The following LYPLAL1 variants were observed in gnomAD, a reference collection of about 807,000 sequenced individuals.
LYPLAL1 encodes the protein lysophospholipase like 1, also known as lysophospholipase-like protein 1.
A neutral mutation model predicts 19.7 loss-of-function variants in LYPLAL1; 23 were observed. The observed-to-expected ratio is 1.17, with a 90% CI of 0.84 to 1.65. LYPLAL1 has a LOEUF of 1.65. Among genes scored for constraint, LYPLAL1 ranks in the 40% most tolerant of loss-of-function variants. The pLI is 0.00. For synonymous variants in LYPLAL1, 119 were observed against 96.3 expected (o/e 1.24, Z -1.38); for missense variants, 355 against 279.4 (o/e 1.27, Z -1.93).
At chr1:219,369,174 C>A in the LYPLAL1 span, among the ~76,000 whole-genome samples, 17 of 152,210 alleles carry the variant, frequency 1.1e-4, no homozygotes, top group Non-Finnish European at 2.2e-4. Flanking sequence ...CTACTTCAGA[C>A]TTATAAATTG....
chr1:219,255,273 A>T, the LYPLAL1 span, among the ~76,000 whole-genome samples: 1 of 151,796 alleles, frequency 6.6e-6, no homozygotes, highest in East Asian at 1.9e-4. Flanking sequence ...AATTTCTCTC[A>T]ATAATGTTTT....
the LYPLAL1 span, among the ~76,000 whole-genome samples, chr1:219,341,165 A>G: frequency 1.3e-5 from 2 of 152,162 alleles, no homozygotes; most frequent in African/African-American, 2.4e-5. Flanking sequence ...TATGCAAGAC[A>G]CAGCCTGTTT....
chr1:219,238,374 A>G, the LYPLAL1 span, among the ~76,000 whole-genome samples: 3 of 126,050 alleles, frequency 2.4e-5, no homozygotes, highest in Admixed American at 2.8e-4. Context: ...AATGGTCTCT[A>G]TCTCCTGACC....
At chr1:219,356,203 A>G in the LYPLAL1 span, among the ~76,000 whole-genome samples, 35 of 152,300 alleles carry the variant, frequency 2.3e-4, no homozygotes, top group African/African-American at 7.9e-4. Flanking sequence ...TGAATGGTTT[A>G]AAAAAGGGAA....
chr1:219,337,361 GA>G, the LYPLAL1 span, among the ~76,000 whole-genome samples: 3 of 151,998 alleles, frequency 2.0e-5, no homozygotes, highest in Admixed American at 2.0e-4. Flanking sequence ...AAGAACATCT[GA>G]AGAAGGTTTA....
At chr1:219,274,189 G>A in the LYPLAL1 span, among the ~76,000 whole-genome samples, 1 of 152,326 alleles carries the variant, frequency 6.6e-6, no homozygotes. Flanking sequence ...AAGTGGGATA[G>A]TGGAGTCAAT....
At chr1:219,388,404 G>A in the LYPLAL1 span, among the ~76,000 whole-genome samples, 4 of 151,954 alleles carry the variant, frequency 2.6e-5, no homozygotes, top group African/African-American at 2.4e-5. Context: ...CTGCCTCCAC[G>A]CATAAGTTAC....
chr1:219,205,377 AAC>A (rs1491016936), intron 3 of LYPLAL1, among the ~76,000 whole-genome samples: 1 of 151,422 alleles, frequency 6.6e-6, no homozygotes, highest in Non-Finnish European at 1.5e-5. Context: ...AAAAAAAAAA[AAC>A]AAAAAAAACA....
the LYPLAL1 span, among the ~76,000 whole-genome samples, chr1:219,316,590 A>G: frequency 6.6e-6 from 1 of 152,188 alleles, no homozygotes; most frequent in Non-Finnish European, 1.5e-5. Context: ...TTGTTACGAG[A>G]TGTTTGTCCA....
chr1:219,389,298 T>C, the LYPLAL1 span, among the ~76,000 whole-genome samples: 4 of 152,276 alleles, frequency 2.6e-5, no homozygotes, highest in South Asian at 2.1e-4. Flanking sequence ...AAAGATTCCA[T>C]TGGATTTGCT....
chr1:219,319,859 T>C, the LYPLAL1 span, among the ~76,000 whole-genome samples: 43 of 152,306 alleles, frequency 2.8e-4, no homozygotes, highest in Admixed American at 5.9e-4. Flanking sequence ...CAAGTCCCAA[T>C]AGTTAACATA....
chr1:219,344,599 T>C, the LYPLAL1 span, among the ~76,000 whole-genome samples: 1 of 152,184 alleles, frequency 6.6e-6, no homozygotes, highest in African/African-American at 2.4e-5. Flanking sequence ...CAAATTATCA[T>C]TGTCTCTTGA....
At chr1:219,262,584 CT>C in the LYPLAL1 span, among the ~76,000 whole-genome samples, 1 of 152,192 alleles carries the variant, frequency 6.6e-6, no homozygotes, top group African/African-American at 2.4e-5. Flanking sequence ...GAGATCCAAA[CT>C]GCTGCGATTA....
At chr1:219,392,543 G>A in the LYPLAL1 span, among the ~76,000 whole-genome samples, 3 of 152,062 alleles carry the variant, frequency 2.0e-5, no homozygotes, top group Non-Finnish European at 4.4e-5. Context: ...ATGCGTACTT[G>A]GAAGCTATGG....
At chr1:219,342,468 T>G in the LYPLAL1 span, among the ~76,000 whole-genome samples, 463 of 152,224 alleles carry the variant, frequency 3.0e-3, 3 homozygotes, top group African/African-American at 0.011. Flanking sequence ...CACAAGGAAG[T>G]GCTGATGCTC....
At chr1:219,176,605 A>G (rs1355950709) in intron 1 of LYPLAL1, among the ~76,000 whole-genome samples, 1 of 152,142 alleles carries the variant, frequency 6.6e-6, no homozygotes, top group East Asian at 1.9e-4. Flanking sequence ...TTGCAGACTC[A>G]TCCTCCTCTA....
At chr1:219,198,084 C>G (rs1657757193) in intron 3 of LYPLAL1, among the ~76,000 whole-genome samples, 1 of 152,024 alleles carries the variant, frequency 6.6e-6, no homozygotes, top group Non-Finnish European at 1.5e-5. Context: ...CCATTTTCTT[C>G]TTGAGAAAAA....
the LYPLAL1 span, among the ~76,000 whole-genome samples, chr1:219,407,852 G>A: frequency 1.1e-4 from 17 of 152,252 alleles, no homozygotes; most frequent in Admixed American, 6.5e-4. Context: ...CTGGGGAGGA[G>A]CCACTTCAGG....
the LYPLAL1 span, among the ~76,000 whole-genome samples, chr1:219,306,118 T>C: frequency 1.3e-5 from 2 of 152,220 alleles, no homozygotes; most frequent in African/African-American, 4.8e-5. Flanking sequence ...TATAAATATA[T>C]ACATATGAAT....
Sources: gnomAD v4.1 joint callset for allele counts (sites outside exome capture counted in the v4.1 genomes callset) on GRCh38, gnomAD v4.1.1 for gene constraint, MANE v1.5 for transcripts, NCBI Gene and HGNC (gene_info 2026-07-23, HGNC 2026-07-21) for gene names.